Variants in MACROD2 observed in about 807,000 individuals in gnomAD.
MACROD2 encodes the protein mono-ADP ribosylhydrolase 2.
In MACROD2, 36 loss-of-function variants were observed where a neutral mutation model predicts 70.4. The ratio of observed to expected loss-of-function variants is 0.51; its 90% CI spans 0.39 to 0.68. The LOEUF (loss-of-function observed/expected upper bound fraction) is 0.68, where lower values mean the gene tolerates loss of function less well. Ranked by LOEUF, MACROD2 falls within the 30% of genes least tolerant of loss-of-function variation. MACROD2 has a pLI of 0.00. For missense variants in MACROD2, 496 were observed against 538.4 expected, an observed-to-expected ratio of 0.92 and a Z score of 0.78; for synonymous variants, 172 against 178.8, an observed-to-expected ratio of 0.96 and a Z score of 0.30.
chr20:14,329,896 C>G (rs145750127), intron 3 of MACROD2, among the ~76,000 whole-genome samples: 114 of 152,126 alleles, frequency 7.5e-4, no homozygotes, highest in Middle Eastern at 6.8e-3. Context: ...TCCCCTTTCT[C>G]TTTAGGGGTG....
chr20:15,112,526 G>GAAA (rs200663051), intron 5 of MACROD2, among the ~76,000 whole-genome samples: 38 of 151,764 alleles, frequency 2.5e-4, no homozygotes, highest in African/African-American at 8.9e-4. Context: ...TTACTGTTAA[G>GAAA]AAAGAAAAAA....
intron 6 of MACROD2, among the ~76,000 whole-genome samples, chr20:15,386,899 C>T (rs1303498860): frequency 6.6e-6 from 1 of 152,214 alleles, no homozygotes; most frequent in African/African-American, 2.4e-5. Flanking sequence ...TCTGTGATCC[C>T]TGGCTGACTC....
chr20:15,681,282 C>A (rs1002977140), intron 8 of MACROD2, among the ~76,000 whole-genome samples: 22 of 152,160 alleles, frequency 1.4e-4, no homozygotes, highest in Non-Finnish European at 2.8e-4. Flanking sequence ...TCTCTTACTA[C>A]CTACCTGAGG....
intron 6 of MACROD2, among the ~76,000 whole-genome samples, chr20:15,257,611 G>T (rs2077210795): frequency 6.6e-6 from 1 of 151,932 alleles, no homozygotes; most frequent in African/African-American, 2.4e-5. Context: ...TCTTCTTAAG[G>T]TTGTAACACA....
At chr20:14,956,692 T>G (rs2074539887) in intron 5 of MACROD2, among the ~76,000 whole-genome samples, 1 of 152,184 alleles carries the variant, frequency 6.6e-6, no homozygotes, top group African/African-American at 2.4e-5. Flanking sequence ...TTCTACCTCT[T>G]GAATCTTAAC....
At chr20:14,615,232 A>T (rs995493077) in intron 4 of MACROD2, among the ~76,000 whole-genome samples, 26 of 152,188 alleles carry the variant, frequency 1.7e-4, no homozygotes, top group Admixed American at 1.4e-3. Flanking sequence ...TGGATGAGGC[A>T]TGTTTCTTTA....
intron 3 of MACROD2, among the ~76,000 whole-genome samples, chr20:14,491,695 C>CA (rs1372494072): frequency 6.6e-6 from 1 of 152,128 alleles, no homozygotes; most frequent in Non-Finnish European, 1.5e-5. Flanking sequence ...CTTTATTGAG[C>CA]AAAACATTGG....
In MACROD2 at chr20:15,292,294, TA is replaced by T. The variant is rs997471457; in HGVS notation, c.540+62241del. 4.0e-5 allele frequency among the ~76,000 whole-genome samples: 6 copies of T among 151,874 alleles called. No individual in the cohort carries two copies. In the South Asian group the frequency reaches 8.3e-4, roughly 21 times the overall value. The stretch of plus-strand genomic sequence containing the variant: ...CAAGCTAATTAACTTATCTAATCTA[TA>T]AAAAAAAGGGATGATATTAATGGCC... On this transcript the variant is annotated intron_variant, in intron 6 of 17. Transcript: ENST00000684519.
At chr20:16,013,974 C>T (rs943119015) in intron 15 of MACROD2, among the ~76,000 whole-genome samples, 1 of 152,244 alleles carries the variant, frequency 6.6e-6, no homozygotes, top group African/African-American at 2.4e-5. Context: ...CTACCATCAA[C>T]TGGTTCCACA....
intron 5 of MACROD2, among the ~76,000 whole-genome samples, chr20:14,848,622 C>T (rs2073167376): frequency 1.3e-5 from 2 of 152,124 alleles, no homozygotes; most frequent in South Asian, 4.1e-4. Flanking sequence ...TAGCAAGCAC[C>T]TGTAGTTATT....
chr20:15,200,999 A>G (rs2076651191), intron 5 of MACROD2, among the ~76,000 whole-genome samples: 2 of 152,188 alleles, frequency 1.3e-5, no homozygotes, highest in African/African-American at 4.8e-5. Context: ...CCAGAGACTG[A>G]TTTAGCAGGT....
chr20:13,995,849 G>A lies in MACROD2; in HGVS notation c.46+40G>A. 1.5e-6 allele frequency: 2 copies of A among 1,312,102 alleles called. No homozygotes were observed. Among genetic ancestry groups the A allele is most frequent in the Non-Finnish European group, 2.1e-6 (2 of 938,798 alleles). The allele number at this position is 1,312,102 out of a possible 1,614,324, so 81.3% of individuals were successfully genotyped here. On this transcript the variant is annotated intron_variant, in intron 1 of 17. Coordinates refer to ENST00000684519, the MANE Select transcript of MACROD2 (RefSeq NM_001351661.2). The surrounding 1 kb of genome is among the most constrained non-coding windows in gnomAD (Gnocchi z 4.3). The stretch of plus-strand genomic sequence containing the variant: ...GAGTCCTGGGGGTGCGGGCGGTGGG[G>A]GTTAGGGTGGGGGCGGGGGTCAGGC...
At chr20:14,641,173 A>T (rs1164573721) in intron 4 of MACROD2, among the ~76,000 whole-genome samples, 2 of 152,162 alleles carry the variant, frequency 1.3e-5, no homozygotes, top group Admixed American at 1.3e-4. Flanking sequence ...TTTCCATCTC[A>T]AGAAACTATT....
intron 6 of MACROD2, among the ~76,000 whole-genome samples, chr20:15,299,810 AC>A (rs2077625190): frequency 6.6e-6 from 1 of 152,228 alleles, no homozygotes; most frequent in South Asian, 2.1e-4. Flanking sequence ...CTGGGTCCAG[AC>A]ATGGATGGGT....
intron 5 of MACROD2, among the ~76,000 whole-genome samples, chr20:14,784,133 T>C (rs369982744): frequency 3.3e-5 from 5 of 152,112 alleles, no homozygotes; most frequent in African/African-American, 1.2e-4. Flanking sequence ...TCACATTGCG[T>C]AGACTGGATA....
intron 5 of MACROD2, among the ~76,000 whole-genome samples, chr20:14,686,536 T>A (rs1261758088): frequency 1.3e-5 from 2 of 152,206 alleles, no homozygotes; most frequent in Non-Finnish European, 2.9e-5. Flanking sequence ...GTACTATATT[T>A]TTACTGTACG....
chr20:14,184,294 C>T (rs903022751), intron 3 of MACROD2, among the ~76,000 whole-genome samples: 2 of 152,066 alleles, frequency 1.3e-5, no homozygotes, highest in African/African-American at 4.8e-5. Context: ...GGAATTCTTT[C>T]CCCATTGCTT....
At chr20:14,684,182 T>C (rs1308183801) in intron 4 of MACROD2, among the ~76,000 whole-genome samples, 1 of 152,056 alleles carries the variant, frequency 6.6e-6, no homozygotes, top group Non-Finnish European at 1.5e-5. Flanking sequence ...GAGTAAGGGG[T>C]GGTCTTATGG....
chr20:14,005,663 C>T (rs918328557), intron 2 of MACROD2, among the ~76,000 whole-genome samples: 4 of 151,512 alleles, frequency 2.6e-5, no homozygotes, highest in South Asian at 4.2e-4. Context: ...AGTGCAGTGG[C>T]GCGATGTGGG....
Sources: allele counts gnomAD v4.1 joint callset (sites outside exome capture counted in the v4.1 genomes callset), GRCh38; gene constraint gnomAD v4.1.1; non-coding constraint Gnocchi (gnomAD v3.1); transcripts MANE v1.5; gene names NCBI Gene and HGNC (gene_info 2026-07-23, HGNC 2026-07-21).